The following PPP6R1 variants were observed in gnomAD, a reference collection of about 807,000 sequenced individuals.
The protein encoded by PPP6R1 is protein phosphatase 6 regulatory subunit 1.
PPP6R1 carries 39 observed loss-of-function variants against 104.6 expected under a neutral mutation model. The observed-to-expected ratio is 0.37, with a 90% CI of 0.29 to 0.49. PPP6R1 has a LOEUF of 0.49. PPP6R1 is among the 20% of genes least tolerant of loss of function. The probability of loss-of-function intolerance (pLI) is 0.98; values close to 1 mark genes in which losing one functional copy is unlikely to be tolerated. For synonymous variants in PPP6R1, 549 were observed against 479.0 expected (o/e 1.15, Z -1.91); for missense variants, 1,181 against 1,155.8 (o/e 1.02, Z -0.32).
chr19:55,234,635 TCACAGCGGCCG>T (rs2087379139), intron 17 of PPP6R1, among the ~76,000 whole-genome samples: 1 of 129,164 alleles, frequency 7.7e-6, no homozygotes, highest in African/African-American at 5.0e-5. Flanking sequence ...GCAAGGGTAT[TCACAGCGGCCG>T]CACTCACAGC....
intron 10 of PPP6R1, 113 bp from the exon 11 acceptor site, chr19:55,240,413 A>C: frequency 9.4e-7 from 1 of 1,060,142 alleles, no homozygotes; most frequent in Non-Finnish European, 1.4e-6. Flanking sequence ...GCCCCCGCTC[A>C]TCCAGAGACG....
chr19:55,230,507 C>G lies in PPP6R1; in HGVS notation c.*21G>C, dbSNP rs376530234. ...TCCACGGGAGGACGGAAGATTTGGC[C>G]GCCGCTGCCGCACCAGGCAGCTATC... On this transcript the variant is annotated 3_prime_UTR_variant, in exon 24 of 24. Transcript: ENST00000412770. The G allele has an allele frequency of 6.2e-7, 1 of 1,613,150 alleles. No individual in the cohort carries two copies. Among genetic ancestry groups the G allele is most frequent in the Admixed American group, 1.7e-5 (1 of 60,002 alleles).
At position 55,242,218 on chromosome 19, in the gene PPP6R1, T is replaced by C. The variant is rs777525013; in HGVS notation, c.793A>G (p.Ile265Val). The C allele has an allele frequency of 5.0e-6, 8 of 1,613,710 alleles. No individual in the cohort carries two copies. The highest frequency in any genetic ancestry group is 1.1e-5 in the South Asian group (1 of 91,094). The change falls in exon 7 of 24, where the codon ATC becomes GTC. Residue 265 changes from isoleucine to valine, a missense_variant. Physicochemically the swap from Ile to Val is conservative, Grantham distance 29 (BLOSUM62 3). Coordinates refer to ENST00000412770, the MANE Select transcript of PPP6R1 (RefSeq NM_014931.4). The part of the protein sequence containing the change: ...MFEGEQSQSV[I>V]VSGIQVLLTL... ...AGCAGCACCTGGATCCCACTGACGA[T>C]GACAGACTGGCTCTGCTCCCCCTCG...
chr19:55,239,443 G>A lies in PPP6R1; in HGVS notation c.1713C>T (p.Phe571=). ...CCTGCTCCCCAAACTCCTCATCATT[G>A]AAGCCGAAGTGGTCAATGAAGGCAG... ...MTSAFIDHFG[F]NDEEFGEQEE... Residue 571 remains phenylalanine (F), a synonymous_variant, in exon 15 of 24, where the codon TTC becomes TTT. Transcript: ENST00000412770. 6.2e-7 allele frequency: 1 copy of A among 1,614,008 alleles called. No individual in the cohort carries two copies. Among genetic ancestry groups the A allele is most frequent in the South Asian group, 1.1e-5 (1 of 91,086 alleles).
chr19:55,236,099 A>T (rs1226093055), intron 17 of PPP6R1, among the ~76,000 whole-genome samples: 1 of 141,208 alleles, frequency 7.1e-6, no homozygotes, highest in African/African-American at 2.7e-5. Flanking sequence ...CTCCCGAAGT[A>T]CTGGGATTAC....
intron 15 of PPP6R1, among the ~76,000 whole-genome samples, chr19:55,238,488 C>T (rs932723592): frequency 1.1e-4 from 17 of 151,958 alleles, no homozygotes; most frequent in Non-Finnish European, 1.9e-4. Flanking sequence ...TCTCCCTGGC[C>T]GTAAATGAGC....
Position 55,240,093 on chromosome 19 carries a change from T to C in PPP6R1, c.1383A>G (p.Lys461=), listed in dbSNP as rs1319450179. Residue 461 remains lysine, a synonymous_variant, in exon 12 of 24, where the codon AAA becomes AAG. Transcript: ENST00000412770. ...DRVQCAGGPR[K]GYMGHLTRVA... ...CTCTTGTCAGGTGACCCATGTAGCCTTTCCGAGGGCCTCCCGCACACCTGG... is the reference window on the plus strand; with the variant it reads ...CTCTTGTCAGGTGACCCATGTAGCCCTTCCGAGGGCCTCCCGCACACCTGG... 1.3e-6 allele frequency: 2 copies of C among 1,592,336 alleles called. No individual in the cohort carries two copies. Among genetic ancestry groups the C allele is most frequent in the Non-Finnish European group, 1.7e-6 (2 of 1,170,500 alleles).
Position 55,248,937 on chromosome 19 carries a change from G to T in PPP6R1, c.-6-1828C>A, listed in dbSNP as rs191568641. Among the ~76,000 whole-genome samples, 64 of 152,284 alleles carry T rather than the reference G, an allele frequency of 4.2e-4. 1 individual carries two copies. Among genetic ancestry groups the T allele is most frequent in the Admixed American group, 3.8e-3 (58 of 15,298 alleles). On this transcript the variant is annotated intron_variant, in intron 1 of 23. Transcript: ENST00000412770. ...GCTCATCCACCCTGACCACCCTAAG[G>T]CTGGGCTCAGCACAGAAGGTTGCAG...
rs377400066 is a variant in PPP6R1 at position 55,246,909 on chromosome 19, C to T, written c.195G>A (p.Pro65=). 1.1e-4 allele frequency: 174 copies of T among 1,611,780 alleles called. No individual in the cohort carries two copies. The African/African-American group carries it at 1.7e-3, about 16-fold the overall frequency. Residue 65 remains proline (P), a synonymous_variant, in exon 2 of 24, where the codon CCG becomes CCA. Coordinates refer to ENST00000412770, the MANE Select transcript of PPP6R1 (RefSeq NM_014931.4). ...GCAGCCGCTCCTCACCGCTATCTGG[C>T]GGCTCCTGGGTGACCCAGGCCACCA... ...QAMVAWVTQE[P]PDSGEERLRY...
At chr19:55,244,774 T>C (rs1007737664) in intron 5 of PPP6R1, among the ~76,000 whole-genome samples, 2 of 151,914 alleles carry the variant, frequency 1.3e-5, no homozygotes, top group Middle Eastern at 3.2e-3. Context: ...AGACAGGGTC[T>C]CACTGTGTCA....
intron 17 of PPP6R1, among the ~76,000 whole-genome samples, chr19:55,234,641 C>T (rs565374051): frequency 2.5e-4 from 32 of 129,562 alleles, no homozygotes; most frequent in South Asian, 1.9e-3. Context: ...GTATTCACAG[C>T]GGCCGCACTC....
intron 7 of PPP6R1, 59 bp downstream of exon 7, chr19:55,242,107 G>A: frequency 2.0e-6 from 3 of 1,519,898 alleles, no homozygotes; most frequent in South Asian, 2.3e-5. Flanking sequence ...CCGCCTCTGA[G>A]GGGCCGGAGA....
At position 55,242,216 on chromosome 19, in the gene PPP6R1, G is replaced by A. The variant is rs758163107; in HGVS notation, c.795C>T (p.Ile265=). 13 of 1,613,746 alleles carry A rather than the reference G, an allele frequency of 8.1e-6. No individual in the cohort carries two copies. The highest frequency in any genetic ancestry group is 5.3e-5 in the African/African-American group (4 of 74,932). The change falls in exon 7 of 24, where the codon ATC becomes ATT. Residue 265 remains isoleucine (I), a synonymous_variant. Coordinates refer to ENST00000412770, the MANE Select transcript of PPP6R1 (RefSeq NM_014931.4). ...TCAGCAGCACCTGGATCCCACTGAC[G>A]ATGACAGACTGGCTCTGCTCCCCCT... ...MFEGEQSQSV[I]VSGIQVLLTL... is the part of the protein sequence containing the mutation.
In PPP6R1 at chr19:55,233,383, G is replaced by T. The variant is rs148354806; in HGVS notation, c.1989-1172C>A. On this transcript the variant is annotated intron_variant, in intron 17 of 23. Transcript: ENST00000412770. ...CAAAACGCTGAATGCTTCCCCCTAA[G>T]ATCAGGAACAAAACAAGGATGCCTG... Among the ~76,000 whole-genome samples, 448 of 152,298 alleles carry T rather than the reference G, an allele frequency of 2.9e-3. 3 individuals carry two copies. Among genetic ancestry groups the T allele is most frequent in the African/African-American group, 0.011 (437 of 41,552 alleles).
chr19:55,244,827 C>T (rs183830758), intron 5 of PPP6R1, among the ~76,000 whole-genome samples: 11 of 152,088 alleles, frequency 7.2e-5, no homozygotes, highest in Non-Finnish European at 1.0e-4. Flanking sequence ...TCACTATAGC[C>T]TTGACCTCCC....
rs764794067 is a variant in PPP6R1, at chr19:55,231,812, G to A, written c.2296C>T (p.Leu766=). 6.7e-7 allele frequency: 1 copy of A among 1,500,732 alleles called. No homozygotes were observed. Among genetic ancestry groups the A allele is most frequent in the Non-Finnish European group, 8.9e-7 (1 of 1,126,224 alleles). The allele number at this position is 1,500,732 out of a possible 1,614,324, so 93.0% of individuals were successfully genotyped here. ...SLASPPARDA[L]QLRSQDPTPP... ...CCATCCGGTTCTCACCTGAGCTGCA[G>A]GGCGTCACGGGCAGGAGGGCTGGCC... The change falls in exon 19 of 24, where the codon CTG becomes TTG. Residue 766 remains leucine (L), a synonymous_variant. Coordinates refer to ENST00000412770, the MANE Select transcript of PPP6R1 (RefSeq NM_014931.4).
downstream of PPP6R1, chr19:55,228,693 G>A: frequency 6.2e-7 from 1 of 1,612,928 alleles, no homozygotes; most frequent in Non-Finnish European, 8.5e-7. Flanking sequence ...GCTCTCACCT[G>A]GGCTGAGCAG....
chr19:55,244,608 C>T (rs1455478565), intron 5 of PPP6R1, among the ~76,000 whole-genome samples: 16 of 152,216 alleles, frequency 1.1e-4, no homozygotes, highest in African/African-American at 3.9e-4. Context: ...TGCCAAGTTC[C>T]TGGGTCATGA....
chr19:55,248,339 G>A (rs1262948053), intron 1 of PPP6R1, among the ~76,000 whole-genome samples: 9 of 152,188 alleles, frequency 5.9e-5, no homozygotes, highest in Admixed American at 5.2e-4. Context: ...CTGGAATCTC[G>A]AAGGCCATCT....
Sources: gnomAD v4.1 joint callset for allele counts (sites outside exome capture counted in the v4.1 genomes callset) on GRCh38, gnomAD v4.1.1 for gene constraint, MANE v1.5 for transcripts, NCBI Gene and HGNC (gene_info 2026-07-23, HGNC 2026-07-21) for gene names.